RAB11FIP3: variants seen among roughly 807,000 people sequenced by gnomAD.
RAB11FIP3 encodes RAB11 family interacting protein 3.
Under a neutral mutation model 77.8 loss-of-function variants are expected in RAB11FIP3, and 17 were observed. The observed-to-expected ratio is 0.22, with a 90% CI of 0.15 to 0.33. RAB11FIP3 has a LOEUF of 0.33. Among genes scored for constraint, RAB11FIP3 ranks in the 10% least tolerant of loss-of-function variants. RAB11FIP3 has a pLI of 1.00. For missense variants in RAB11FIP3, 1,005 were observed against 1,011.2 expected (o/e 0.99, Z 0.08); for synonymous variants, 437 against 448.2 (o/e 0.98, Z 0.31).
At chr16:469,788 G>A (rs2141678606) in intron 2 of RAB11FIP3, among the ~76,000 whole-genome samples, 2 of 152,250 alleles carry the variant, frequency 1.3e-5, no homozygotes, top group African/African-American at 4.8e-5. Context: ...GTCTTCCAAA[G>A]TGCTGGGATT....
chr16:494,890 TGGGAGGATCACATGAGCCGGG>T, intron 5 of RAB11FIP3, among the ~76,000 whole-genome samples: 4 of 140,886 alleles, frequency 2.8e-5, no homozygotes, highest in South Asian at 2.2e-4. Flanking sequence ...GCTGCAGAGG[TGGGAGGATCACATGAGCCGGG>T]GAGGTCGAGG....
intron 9 of RAB11FIP3, among the ~76,000 whole-genome samples, chr16:513,615 C>A (rs2032282553): frequency 6.6e-6 from 1 of 152,192 alleles, no homozygotes; most frequent in South Asian, 2.1e-4. Context: ...TGAGCATGTA[C>A]TACTTTTAGA....
Position 518,952 on chromosome 16 carries a change from A to C in RAB11FIP3, c.1650A>C (p.Gln550His). 1 of 1,613,710 alleles carries C rather than the reference A, an allele frequency of 6.2e-7. No homozygotes were observed. The highest frequency in any genetic ancestry group is 8.5e-7 in the Non-Finnish European group (1 of 1,179,974). The part of the protein sequence containing the change: ...EIENLQTRLQ[Q>H]LDEENSELRS... ...TGTTCTTGTGTCCCAGGCTACAGCA[A>C]CTGGACGAGGAGAACAGTGAACTCC... The change falls in exon 10 of 14, where the codon CAA becomes CAC. Residue 550 changes from glutamine to histidine, a missense_variant. Transcript: ENST00000262305.
rs2054953074 is a variant in RAB11FIP3 at position 426,746 on chromosome 16, TG to T, written c.714+29del. 1.4e-6 allele frequency: 2 copies of T among 1,462,722 alleles called. No individual in the cohort carries two copies. Among genetic ancestry groups the T allele is most frequent in the Non-Finnish European group, 1.8e-6 (2 of 1,104,868 alleles). 90.6% of individuals were successfully genotyped at this position (1,462,722 alleles called of 1,614,324 possible). A position where few individuals can be genotyped will look rare whatever the true frequency, so the allele number is the denominator to read the frequency against. On this transcript the variant is annotated intron_variant, in intron 1 of 13. Transcript: ENST00000262305. This position sits in a 1 kb window ranked among gnomAD's most constrained non-coding sequence, Gnocchi z 5.0. ...GTACGGAGCGGCCCGGGCCGGGGCG[TG>T]GGAACTGGGCAGGTGCGCGCTGGCC...
At chr16:510,628 A>T (rs2032097277) in intron 8 of RAB11FIP3, 32 bp from the exon 9 acceptor site, 2 of 1,565,532 alleles carry the variant, frequency 1.3e-6, no homozygotes, top group African/African-American at 2.7e-5. Context: ...CCCTGCCTGG[A>T]GACAGCTCAG....
chr16:466,128 C>T (rs994898688), intron 2 of RAB11FIP3, among the ~76,000 whole-genome samples: 6 of 152,198 alleles, frequency 3.9e-5, no homozygotes, highest in African/African-American at 1.4e-4. Flanking sequence ...TAAACTTGCT[C>T]TGCACAATGT....
chr16:446,894 T>A (rs543275163), intron 1 of RAB11FIP3, among the ~76,000 whole-genome samples: 3 of 152,064 alleles, frequency 2.0e-5, no homozygotes, highest in South Asian at 4.1e-4. Context: ...AGATTCGGGG[T>A]TTCACCATGT....
At chr16:492,458 C>G (rs2030558277) in intron 5 of RAB11FIP3, among the ~76,000 whole-genome samples, 1 of 74,430 alleles carries the variant, frequency 1.3e-5, no homozygotes, top group Admixed American at 1.4e-4. Context: ...AGGGCCCTTC[C>G]CGGGGAGACC....
chr16:432,626 G>T (rs558468257), intron 1 of RAB11FIP3, among the ~76,000 whole-genome samples: 1 of 146,492 alleles, frequency 6.8e-6, no homozygotes, highest in African/African-American at 2.6e-5. Flanking sequence ...GTGTGACAGG[G>T]TCTCGCTCTG....
intron 5 of RAB11FIP3, among the ~76,000 whole-genome samples, chr16:492,305 G>A (rs1308904163): frequency 1.3e-5 from 2 of 150,274 alleles, no homozygotes; most frequent in African/African-American, 2.5e-5. Context: ...CCATTCTGGA[G>A]CATCGGGGGT....
chr16:427,093 C>T (rs528192580), intron 1 of RAB11FIP3, among the ~76,000 whole-genome samples: 4 of 152,146 alleles, frequency 2.6e-5, no homozygotes, highest in Non-Finnish European at 5.9e-5. Context: ...CCCGCGATTC[C>T]CCCACCCGAG....
chr16:501,827 CAAGG>C (rs201765766), intron 6 of RAB11FIP3, among the ~76,000 whole-genome samples: 1,732 of 149,822 alleles, frequency 0.012, 16 homozygotes, highest in Non-Finnish European at 0.014. Flanking sequence ...ATTTCACAGA[CAAGG>C]AAGTTCGGAG....
intron 5 of RAB11FIP3, among the ~76,000 whole-genome samples, chr16:492,425 C>CCCGGGAGACCCGAGGCCACCCAGGGCCCT: frequency 2.3e-5 from 1 of 43,226 alleles, no homozygotes; most frequent in Non-Finnish European, 4.5e-5. Context: ...CCAGGGCCCT[C>CCCGGGAGACCCGAGGCCACCCAGGGCCCT]CCCGGGAGAC....
intron 9 of RAB11FIP3, 33 bp from the exon 10 acceptor site, chr16:518,910 G>A: frequency 6.2e-7 from 1 of 1,610,386 alleles, no homozygotes; most frequent in East Asian, 2.2e-5. Flanking sequence ...CGAGCTTCCT[G>A]GAGTGAGTTT....
chr16:452,471 G>A (rs2055424430), intron 1 of RAB11FIP3: 1 of 151,904 alleles, frequency 6.6e-6, no homozygotes, highest in South Asian at 2.1e-4. Flanking sequence ...GTCTTGCTCT[G>A]TTGCCCAGGC....
intron 5 of RAB11FIP3, among the ~76,000 whole-genome samples, chr16:493,211 A>T (rs2030747622): frequency 6.9e-6 from 1 of 145,410 alleles, no homozygotes; most frequent in Non-Finnish European, 1.5e-5. Context: ...ACATCCTGCC[A>T]CTGCACTCCA....
rs148363528 is a variant in RAB11FIP3 at position 501,227 on chromosome 16, G to A, written c.1302-1777G>A. On this transcript the variant is annotated intron_variant, in intron 6 of 13. Coordinates refer to ENST00000262305, the MANE Select transcript of RAB11FIP3 (RefSeq NM_014700.4). The stretch of plus-strand genomic sequence containing the variant: ...TTTTATGGAATTCTTACTCTGCTAC[G>A]TCCCTAGCCAAGCTGTTTGTATGCA... 8.5e-4 allele frequency among the ~76,000 whole-genome samples: 129 copies of A among 152,368 alleles called. 2 individuals carry two copies. Among genetic ancestry groups the A allele is most frequent in the African/African-American group, 2.8e-3 (116 of 41,592 alleles).
chr16:431,210 G>A (rs2055029725), intron 1 of RAB11FIP3, among the ~76,000 whole-genome samples: 1 of 152,080 alleles, frequency 6.6e-6, no homozygotes, highest in South Asian at 2.1e-4. Flanking sequence ...GTGTGTAAGT[G>A]GCATATTATG....
At chr16:490,195 G>A (rs1442260568) in intron 5 of RAB11FIP3, among the ~76,000 whole-genome samples, 1 of 152,158 alleles carries the variant, frequency 6.6e-6, no homozygotes, top group African/African-American at 2.4e-5. Context: ...CTTCCAAATG[G>A]TTTCCCACAG....
Sources: allele counts gnomAD v4.1 joint callset (sites outside exome capture counted in the v4.1 genomes callset), GRCh38; gene constraint gnomAD v4.1.1; non-coding constraint Gnocchi (gnomAD v3.1); transcripts MANE v1.5; gene names NCBI Gene and HGNC (gene_info 2026-07-23, HGNC 2026-07-21).